PIGG: variants seen among roughly 807,000 people sequenced by gnomAD.
PIGG encodes GPI ethanolamine phosphate transferase 2, catalytic subunit.
A neutral mutation model predicts 83.2 loss-of-function variants in PIGG; 70 were observed. The ratio of observed to expected loss-of-function variants is 0.84; its 90% CI spans 0.69 to 1.03. The LOEUF is 1.03. PIGG is among the 50% of genes least tolerant of loss of function. PIGG has a pLI of 0.00. For missense variants in PIGG, 1,257 were observed against 1,233.6 expected (o/e 1.02, Z -0.28); for synonymous variants, 532 against 519.5 (o/e 1.02, Z -0.33).
rs2108745942 is a variant in PIGG at position 500,275 on chromosome 4, T to C, written c.155-121T>C. On this transcript the variant is annotated intron_variant, in intron 1 of 12. Coordinates refer to ENST00000453061, the MANE Select transcript of PIGG (RefSeq NM_001127178.3). The stretch of plus-strand genomic sequence containing the variant: ...AAGTACAAGTCGCCTCCTTTTGGGT[T>C]GGGTTATGTAGATATCGCAGGGTAT... The C allele has an allele frequency of 4.2e-6, 3 of 710,316 alleles. No homozygotes were observed. The South Asian group carries it at 5.5e-5, about 13-fold the overall frequency. The allele number at this position is 710,316 out of a possible 1,614,324, so 44.0% of individuals were successfully genotyped here.
In PIGG at chr4:523,791, C is replaced by T. The variant is rs981800289; in HGVS notation, c.1947C>T (p.Arg649=). Residue 649 remains arginine, a synonymous_variant, in exon 9 of 13, where the codon CGC becomes CGT. Transcript: ENST00000453061. ...CTACCTCCGAAGTGCTCAGAGGCCG[C>T]GAGAAGTGGATGGTGCTGGCCAGTC... ...SPSTSEVLRG[R]EKWMVLASPW... is the part of the protein sequence containing the mutation. The T allele has an allele frequency of 7.4e-6, 12 of 1,613,606 alleles. No individual in the cohort carries two copies. The highest frequency in any genetic ancestry group is 4.4e-5 in the South Asian group (4 of 91,084).
chr4:527,166 T>C lies in PIGG; in HGVS notation c.2197T>C (p.Cys733Arg). ...GGCGCTGGGGCTGCTGGGCGTCTAC[T>C]GCTACCGGGCGGCCATCGGGAGTGT... ...ALALGLLGVY[C>R]YRAAIGSVRF... The change falls in exon 10 of 13, where the codon TGC becomes CGC. Residue 733 changes from cysteine to arginine, a missense_variant. Cys to Arg is a radical substitution (Grantham distance 180, BLOSUM62 -3). Transcript: ENST00000453061. The C allele has an allele frequency of 6.2e-7, 1 of 1,613,748 alleles. No homozygotes were observed. The highest frequency in any genetic ancestry group is 1.3e-5 in the African/African-American group (1 of 75,036).
chr4:522,698 G>A (rs776646558), intron 8 of PIGG: 2 of 155,132 alleles, frequency 1.3e-5, no homozygotes, highest in Non-Finnish European at 2.9e-5. Flanking sequence ...TCAGGGCACA[G>A]GCTTCCTCGG....
At position 521,265 on chromosome 4, in the gene PIGG, G is replaced by A. The variant is rs1343564802; in HGVS notation, c.1324G>A (p.Val442Ile). 4 of 1,611,192 alleles carry A rather than the reference G, an allele frequency of 2.5e-6. No individual in the cohort carries two copies. The African/African-American group carries it at 5.3e-5, about 22-fold the overall frequency. ...TTCGATGATGGTGGGGACTGTCGTG[G>A]TTTTGGAGGTACAGATGCTCACACA... is the stretch of plus-strand genomic sequence containing the variant. The part of the protein sequence containing the change: ...IYSMMVGTVV[V>I]LEVLTLLLLS... The change falls in exon 7 of 13, where the codon GTT becomes ATT. Residue 442 changes from valine (V) to isoleucine (I), a missense_variant. Coordinates refer to ENST00000453061, the MANE Select transcript of PIGG (RefSeq NM_001127178.3).
At chr4:533,752 G>A (rs1302546186) in intron 11 of PIGG, 66 bp from the exon 12 acceptor site, 10 of 1,486,224 alleles carry the variant, frequency 6.7e-6, no homozygotes, top group South Asian at 3.5e-5. Context: ...CGTGGCTCAC[G>A]CTAACATCGT....
chr4:534,714 G>A (rs978232822), intron 12 of PIGG, among the ~76,000 whole-genome samples: 6 of 151,932 alleles, frequency 3.9e-5, no homozygotes, highest in African/African-American at 1.5e-4. Flanking sequence ...CCACCGGGGG[G>A]ACCCCAGATC....
Position 505,915 on chromosome 4 carries a change from A to C in PIGG, c.558A>C (p.Ser186=), listed in dbSNP as rs1553878909. The C allele has an allele frequency of 6.2e-7, 1 of 1,610,222 alleles. No individual in the cohort carries two copies. The highest frequency in any genetic ancestry group is 2.2e-5 in the East Asian group (1 of 44,858). The part of the protein sequence containing the change: ...EYDGTTSFFV[S]DYTEVDNNVT... ...ATGGAACAACCTCATTTTTCGTGTC[A>C]GATTACACAGAGGTCAGTTTTTAAA... The change falls in exon 3 of 13, where the codon TCA becomes TCC. Residue 186 remains serine, a synonymous_variant. Coordinates refer to ENST00000453061, the MANE Select transcript of PIGG (RefSeq NM_001127178.3).
At chr4:538,241 T>G (rs1731217530) in intron 12 of PIGG, among the ~76,000 whole-genome samples, 1 of 152,098 alleles carries the variant, frequency 6.6e-6, no homozygotes, top group African/African-American at 2.4e-5. Flanking sequence ...ATAATGTAAT[T>G]TATCATTTTT....
In PIGG at chr4:505,459, CAAAA is replaced by C. The variant is rs35308755; in HGVS notation, c.361-235_361-232del. Among the ~76,000 whole-genome samples the C allele has an allele frequency of 2.9e-4, 13 of 45,024 alleles. No homozygotes were observed. In the South Asian group the frequency reaches 9.2e-3, roughly 32 times the overall value. 29.5% of individuals were successfully genotyped at this position (45,024 alleles called of 152,430 possible). On this transcript the variant is annotated intron_variant, in intron 2 of 12. Coordinates refer to ENST00000453061, the MANE Select transcript of PIGG (RefSeq NM_001127178.3). The stretch of plus-strand genomic sequence containing the variant: ...CAACATAGCGGGACCCTGTATCTAC[CAAAA>C]AAAAAAAAAAAAAAAAAAAAAAAGC...
chr4:509,049 A>G (rs1720929317), intron 5 of PIGG, 79 bp downstream of exon 5: 1 of 1,248,002 alleles, frequency 8.0e-7, no homozygotes, highest in East Asian at 2.4e-5. Flanking sequence ...TTGAAAACCT[A>G]TTTTTTAGAA....
chr4:534,122 G>A lies in PIGG; in HGVS notation c.2735+141G>A. The A allele has an allele frequency of 4.0e-6, 3 of 755,888 alleles. No individual in the cohort carries two copies. The East Asian group carries it at 8.1e-5, about 20-fold the overall frequency. The allele number at this position is 755,888 out of a possible 1,614,324, so 46.8% of individuals were successfully genotyped here. On this transcript the variant is annotated intron_variant, in intron 12 of 12. Coordinates refer to ENST00000453061, the MANE Select transcript of PIGG (RefSeq NM_001127178.3). ...AACAGTTTTCTTTTCCTTAAATAGGGAACGGTCCAAAGCTCAAGGGCCAGA... is the reference window on the plus strand; with the variant it reads ...AACAGTTTTCTTTTCCTTAAATAGGAAACGGTCCAAAGCTCAAGGGCCAGA...
intron 9 of PIGG, 68 bp from the exon 10 acceptor site, chr4:526,971 C>T (rs1577120578): frequency 1.3e-6 from 2 of 1,556,394 alleles, no homozygotes; most frequent in East Asian, 2.3e-5. Context: ...TCTTTGAAAG[C>T]CACTTGGTGT....
rs753903505 is a variant in PIGG at position 517,658 on chromosome 4, TG to T, written c.1114+1478del. 6.0e-5 allele frequency among the ~76,000 whole-genome samples: 9 copies of T among 150,890 alleles called. No homozygotes were observed. In the East Asian group the frequency reaches 1.6e-3, roughly 26 times the overall value. ...ATGAGTGGCTTCGTCAGATGGAGAG[TG>T]GGGGAAGGCCTGGCTGGTACTAGGC... On this transcript the variant is annotated intron_variant, in intron 6 of 12. Transcript: ENST00000453061.
intron 2 of PIGG, among the ~76,000 whole-genome samples, chr4:503,344 G>A (rs1287626664): frequency 2.6e-5 from 4 of 152,078 alleles, no homozygotes; most frequent in Non-Finnish European, 5.9e-5. Flanking sequence ...AGTAGTTTAC[G>A]CTCTGCCCAG....
chr4:521,886 G>A lies in PIGG; in HGVS notation c.1559G>A (p.Cys520Tyr), dbSNP rs771799925. The change falls in exon 8 of 13, where the codon TGT (cysteine) becomes TAT (tyrosine). Residue 520 changes from cysteine to tyrosine, a missense_variant. Coordinates refer to ENST00000453061, the MANE Select transcript of PIGG (RefSeq NM_001127178.3). ...ATGGTGCTGGCCTCGGCGCTGCTGT[G>A]TGTGATTGTGTCTGTTCTGACCAAC... ...GVMVLASALL[C>Y]VIVSVLTNVL... is the part of the protein sequence containing the mutation. 4 of 1,614,112 alleles carry A rather than the reference G, an allele frequency of 2.5e-6. No individual in the cohort carries two copies. In the African/African-American group the frequency reaches 4.0e-5, roughly 16 times the overall value.
At position 537,728 on chromosome 4, in the gene PIGG, C is replaced by T. The variant is rs577658722; in HGVS notation, c.2736-1425C>T. Among the ~76,000 whole-genome samples the T allele has an allele frequency of 3.9e-5, 6 of 152,198 alleles. No individual in the cohort carries two copies. In the South Asian group the frequency reaches 6.2e-4, roughly 16 times the overall value. On this transcript the variant is annotated intron_variant, in intron 12 of 12. Transcript: ENST00000453061. ...CTGAGTATTTTACTGGAGCACATGG[C>T]GGGCTGAGGTGAAGGAGTGTTTGGA...
intron 5 of PIGG, among the ~76,000 whole-genome samples, chr4:512,839 T>C (rs1722632349): frequency 6.6e-6 from 1 of 151,992 alleles, no homozygotes. Context: ...ATAATAATAA[T>C]TTTTATCTCT....
In PIGG at chr4:499,416, C is replaced by T. The variant is rs782567192; in HGVS notation, c.81C>T (p.Phe27=). 1.9e-6 allele frequency: 3 copies of T among 1,608,458 alleles called. No individual in the cohort carries two copies. Among genetic ancestry groups the T allele is most frequent in the Non-Finnish European group, 1.7e-6 (2 of 1,179,796 alleles). ...GGATCGCGGTCTTCCTTCGGGGATT[C>T]TTCCCGGCTCCCGTTCGTTCCTCTG... The part of the protein sequence containing the change: ...VLGIAVFLRG[F]FPAPVRSSAR... Residue 27 remains phenylalanine, a synonymous_variant, in exon 1 of 13, where the codon TTC becomes TTT. Coordinates refer to ENST00000453061, the MANE Select transcript of PIGG (RefSeq NM_001127178.3).
chr4:534,928 G>C (rs1730091954), intron 12 of PIGG, among the ~76,000 whole-genome samples: 1 of 151,720 alleles, frequency 6.6e-6, no homozygotes. Context: ...GTTTTGTGCA[G>C]AAGTTCTCCC....
Sources: allele counts gnomAD v4.1 joint callset (sites outside exome capture counted in the v4.1 genomes callset), GRCh38; gene constraint gnomAD v4.1.1; transcripts MANE v1.5; gene names NCBI Gene and HGNC (gene_info 2026-07-23, HGNC 2026-07-21).